Variants in ADK observed in about 807,000 individuals in gnomAD.
ADK encodes the protein N6,N6-dimethyladenosine kinase.
In ADK, 24 loss-of-function variants were observed where a neutral mutation model predicts 44.7. The ratio of observed to expected loss-of-function variants is 0.54; its 90% CI spans 0.39 to 0.76. The LOEUF (loss-of-function observed/expected upper bound fraction) is 0.76. Ranked by LOEUF, ADK falls within the 30% of genes least tolerant of loss-of-function variation. The pLI is 0.00. For missense variants in ADK, 321 were observed against 425.1 expected (o/e 0.76, Z 2.15); for synonymous variants, 128 against 142.6 (o/e 0.90, Z 0.73).
At chr10:74,340,676 A>G (rs1841554204) in intron 4 of ADK, among the ~76,000 whole-genome samples, 1 of 152,196 alleles carries the variant, frequency 6.6e-6, no homozygotes, top group Non-Finnish European at 1.5e-5. Flanking sequence ...CAGTAAGAAC[A>G]CATATGAAAC....
intron 7 of ADK, among the ~76,000 whole-genome samples, chr10:74,530,273 G>A (rs1467097467): frequency 6.6e-6 from 1 of 151,984 alleles, no homozygotes; most frequent in Non-Finnish European, 1.5e-5. Context: ...AAAATGTGAC[G>A]AAGGATAAAA....
rs558796449 is a variant in ADK at position 74,560,905 on chromosome 10, A to G, written c.727-28377A>G. 2.0e-5 allele frequency among the ~76,000 whole-genome samples: 3 copies of G among 152,308 alleles called. No homozygotes were observed. In the East Asian group the frequency reaches 5.8e-4, roughly 29 times the overall value. On this transcript the variant is annotated intron_variant, in intron 7 of 10. Coordinates refer to ENST00000539909, the MANE Select transcript of ADK (RefSeq NM_006721.4). ...TTTTTAAGGTGCGAGCTATTATCCT[A>G]TTTTTAAAGAGCTCATAATCTAGTT...
At chr10:74,448,122 G>A (rs1170811365) in intron 6 of ADK, among the ~76,000 whole-genome samples, 1 of 152,078 alleles carries the variant, frequency 6.6e-6, no homozygotes, top group Non-Finnish European at 1.5e-5. Context: ...GCAGTGAGTC[G>A]AGATCACGCC....
intron 6 of ADK, among the ~76,000 whole-genome samples, chr10:74,399,730 AT>A (rs1843645199): frequency 6.6e-6 from 1 of 151,962 alleles, no homozygotes; most frequent in African/African-American, 2.4e-5. Context: ...TTTATGTACT[AT>A]TTCAAACCAT....
chr10:74,536,613 TAATC>T (rs1195406867), intron 7 of ADK, among the ~76,000 whole-genome samples: 1 of 150,780 alleles, frequency 6.6e-6, no homozygotes, highest in East Asian at 1.9e-4. Context: ...TTTTTTTTTT[TAATC>T]AACCCAAGCA....
intron 4 of ADK, chr10:74,371,573 G>T: frequency 8.3e-7 from 1 of 1,212,090 alleles, no homozygotes; most frequent in Non-Finnish European, 1.2e-6. Context: ...TGAAGGAGGA[G>T]GATGTCCTTA....
At chr10:74,369,103 C>A (rs532715384) in intron 4 of ADK, among the ~76,000 whole-genome samples, 2 of 152,188 alleles carry the variant, frequency 1.3e-5, no homozygotes, top group Admixed American at 1.3e-4. Context: ...GCCTGTAATC[C>A]CAGCTCTTTG....
rs1316052931 is a variant in ADK at position 74,488,091 on chromosome 10, G to C, written c.556-37165G>C. On this transcript the variant is annotated intron_variant, in intron 6 of 10. Coordinates refer to ENST00000539909, the MANE Select transcript of ADK (RefSeq NM_006721.4). ...TAACTGAGTCTAATCATAAAGTTCA[G>C]ACATATCTTCACTGTGGAACATTTC... Among the ~76,000 whole-genome samples, 3 of 151,990 alleles carry C rather than the reference G, an allele frequency of 2.0e-5. No homozygotes were observed. The East Asian group carries it at 5.8e-4, about 29-fold the overall frequency.
chr10:74,508,989 A>G (rs918802425), intron 6 of ADK, among the ~76,000 whole-genome samples: 5 of 152,168 alleles, frequency 3.3e-5, no homozygotes, highest in Admixed American at 1.3e-4. Context: ...TGCTATTAAT[A>G]TGTTACCAAG....
At chr10:74,648,689 G>A (rs1480002921) in intron 9 of ADK, among the ~76,000 whole-genome samples, 1 of 151,322 alleles carries the variant, frequency 6.6e-6, no homozygotes, top group Non-Finnish European at 1.5e-5. Flanking sequence ...AAAAAAAGAA[G>A]AAAAGTGCCT....
At chr10:74,598,001 A>C (rs1011293340) in intron 8 of ADK, among the ~76,000 whole-genome samples, 1 of 152,056 alleles carries the variant, frequency 6.6e-6, no homozygotes, top group African/African-American at 2.4e-5. Context: ...TGTTTTCTTT[A>C]ATTTTTGCCC....
At chr10:74,201,547 T>C (rs1843384044) in intron 2 of ADK, among the ~76,000 whole-genome samples, 1 of 152,192 alleles carries the variant, frequency 6.6e-6, no homozygotes, top group African/African-American at 2.4e-5. Context: ...TGTTAATCTC[T>C]TATTGTGCCT....
At chr10:74,494,851 C>T (rs1347449328) in intron 6 of ADK, among the ~76,000 whole-genome samples, 1 of 151,940 alleles carries the variant, frequency 6.6e-6, no homozygotes, top group African/African-American at 2.4e-5. Context: ...GGCTCACATC[C>T]TTCATTAACT....
At chr10:74,441,128 A>T (rs1315364685) in intron 6 of ADK, among the ~76,000 whole-genome samples, 1 of 152,180 alleles carries the variant, frequency 6.6e-6, no homozygotes, top group African/African-American at 2.4e-5. Flanking sequence ...CCTTACCTCC[A>T]CTTTATGAAA....
At chr10:74,547,622 C>T (rs1168850331) in intron 7 of ADK, among the ~76,000 whole-genome samples, 1 of 151,038 alleles carries the variant, frequency 6.6e-6, no homozygotes, top group Non-Finnish European at 1.5e-5. Context: ...GCTGGGAATA[C>T]AGGCGCGCAC....
chr10:74,300,086 G>A (rs892886985), intron 3 of ADK, among the ~76,000 whole-genome samples: 6 of 142,212 alleles, frequency 4.2e-5, no homozygotes, highest in Non-Finnish European at 7.6e-5. Context: ...ATCTTGCTAT[G>A]TTCTCCAGGT....
At chr10:74,651,039 A>G (rs1854247441) in intron 9 of ADK, among the ~76,000 whole-genome samples, 1 of 152,162 alleles carries the variant, frequency 6.6e-6, no homozygotes, top group Non-Finnish European at 1.5e-5. Context: ...GAGAGTTAGA[A>G]TTAGTATGTA....
intron 3 of ADK, among the ~76,000 whole-genome samples, chr10:74,256,003 G>A (rs1845810460): frequency 6.6e-6 from 1 of 152,136 alleles, no homozygotes; most frequent in South Asian, 2.1e-4. Flanking sequence ...TCAGTGTTGA[G>A]GGAGTACAAA....
chr10:74,454,821 G>C (rs938456228), intron 6 of ADK, among the ~76,000 whole-genome samples: 1 of 152,142 alleles, frequency 6.6e-6, no homozygotes, highest in Non-Finnish European at 1.5e-5. Context: ...GGTGAAACTT[G>C]GCAAGGCCTT....
Sources: gnomAD v4.1 joint callset for allele counts (sites outside exome capture counted in the v4.1 genomes callset) on GRCh38, gnomAD v4.1.1 for gene constraint, MANE v1.5 for transcripts, NCBI Gene and HGNC (gene_info 2026-07-23, HGNC 2026-07-21) for gene names.